SH3TC1: variants seen among roughly 807,000 people sequenced by gnomAD.
The protein encoded by SH3TC1 is SH3 domain and tetratricopeptide repeats 1.
SH3TC1 carries 135 observed loss-of-function variants against 117.3 expected under a neutral mutation model. That is an observed-to-expected ratio of 1.15 (90% CI 1.00 to 1.33). The LOEUF (loss-of-function observed/expected upper bound fraction) is 1.33. Among genes scored for constraint, SH3TC1 ranks in the 40% most tolerant of loss-of-function variants. SH3TC1 has a pLI of 0.00. For synonymous variants in SH3TC1, 898 were observed against 816.9 expected (o/e 1.10, Z -1.69); for missense variants, 2,092 against 1,794.3 (o/e 1.17, Z -3.00).
In SH3TC1 at chr4:8,212,967, G is replaced by A. The variant is rs145155067; in HGVS notation, c.375+139G>A. 3.6e-4 allele frequency: 441 copies of A among 1,211,906 alleles called. 5 individuals are homozygous for A. In the East Asian group the frequency reaches 0.012, roughly 33 times the overall value. The allele number at this position is 1,211,906 out of a possible 1,614,324, so 75.1% of individuals were successfully genotyped here. On this transcript the variant is annotated intron_variant, in intron 4 of 17. Transcript: ENST00000245105. Reference sequence around the variant, plus strand: ...AGCCACTCAGGACAGTGGTGGCCTTGGAGGGGCGGCTGTGATACCCAGTGG... The same window carrying A: ...AGCCACTCAGGACAGTGGTGGCCTTAGAGGGGCGGCTGTGATACCCAGTGG...
intron 3 of SH3TC1, among the ~76,000 whole-genome samples, chr4:8,212,269 C>T (rs28481971): frequency 0.01 from 1,558 of 150,900 alleles, 44 homozygotes; most frequent in African/African-American, 0.037. Flanking sequence ...TCACCATGGG[C>T]GTGGAGGAGG....
At chr4:8,240,360 G>A (rs1407758513) in intron 17 of SH3TC1, among the ~76,000 whole-genome samples, 1 of 152,214 alleles carries the variant, frequency 6.6e-6, no homozygotes, top group African/African-American at 2.4e-5. Flanking sequence ...TGCCCCTGCT[G>A]TGGCTGGGAG....
chr4:8,239,885 G>C (rs1190357633), intron 17 of SH3TC1, among the ~76,000 whole-genome samples: 2 of 152,256 alleles, frequency 1.3e-5, no homozygotes, highest in South Asian at 4.1e-4. Flanking sequence ...GGTGGGGCTG[G>C]GGGGCGTTGG....
intron 13 of SH3TC1, chr4:8,232,767 C>T (rs1438620974): frequency 2.6e-5 from 34 of 1,289,598 alleles, no homozygotes; most frequent in African/African-American, 9.1e-5. Flanking sequence ...GGGAAGGAGC[C>T]GGATTCCACA....
Position 8,209,811 on chromosome 4 carries a change from T to C in SH3TC1, c.236T>C (p.Val79Ala), listed in dbSNP as rs534704913. The change falls in exon 3 of 18, where the codon GTT (valine) becomes GCT (alanine). Residue 79 changes from valine (V) to alanine (A), a missense_variant. Coordinates refer to ENST00000245105, the MANE Select transcript of SH3TC1 (RefSeq NM_018986.5). This position sits in a 1 kb window ranked among gnomAD's most constrained non-coding sequence, Gnocchi z 5.9. ...AAGTPPCQMG[V>A]YPTDLTLQLL... Reference sequence around the variant, plus strand: ...GGGACCCCTCCCTGCCAGATGGGGGTTTATCCCACAGGTAAACATCCTGGG... The same window carrying C: ...GGGACCCCTCCCTGCCAGATGGGGGCTTATCCCACAGGTAAACATCCTGGG... 6.2e-7 allele frequency: 1 copy of C among 1,612,912 alleles called. No individual in the cohort carries two copies. The highest frequency in any genetic ancestry group is 1.3e-5 in the African/African-American group (1 of 74,820).
At chr4:8,208,973 C>T (rs1243184033) in intron 2 of SH3TC1, among the ~76,000 whole-genome samples, 2 of 152,222 alleles carry the variant, frequency 1.3e-5, no homozygotes, top group Non-Finnish European at 2.9e-5. Context: ...GATAGAGAAA[C>T]TGCGCAGGAC....
In SH3TC1 at chr4:8,234,247, CCATT is replaced by C. The variant is rs535023989; in HGVS notation, c.3282+737_3282+740del. On this transcript the variant is annotated intron_variant, in intron 14 of 17. Coordinates refer to ENST00000245105, the MANE Select transcript of SH3TC1 (RefSeq NM_018986.5). The stretch of plus-strand genomic sequence containing the variant: ...ATCATCCATCCATTCACCCATCCAT[CCATT>C]CACCTGTTTGTCCACCCATCCATTT... 1.5e-3 allele frequency among the ~76,000 whole-genome samples: 235 copies of C among 151,852 alleles called. 2 individuals are homozygous for C. The highest frequency in any genetic ancestry group is 6.8e-3 in the Middle Eastern group (2 of 292).
rs1717209703 is a variant in SH3TC1, at chr4:8,186,026, C to T, written c.-57+3816C>T. 6.6e-6 allele frequency among the ~76,000 whole-genome samples: 1 copy of T among 152,220 alleles called. No homozygotes were observed. The highest frequency in any genetic ancestry group is 6.5e-5 in the Admixed American group (1 of 15,280). ...TCCCTGACAGGGGGACATTGAGCAA[C>T]ATTTCCTACATTTTACGGTGATAGG... On this transcript the variant is annotated intron_variant, in intron 1 of 16. Coordinates refer to the SH3TC1 transcript ENST00000508641. This position sits in a 1 kb window ranked among gnomAD's most constrained non-coding sequence, Gnocchi z 5.2.
chr4:8,228,540 T>C lies in SH3TC1; in HGVS notation c.2846T>C (p.Leu949Pro). Residue 949 changes from leucine (L) to proline (P), a missense_variant, in exon 12 of 18, where the codon CTC becomes CCC. Leu to Pro is a moderately conservative substitution (Grantham distance 98). Transcript: ENST00000245105. ...TGTGGCCGGGACTTCACCCACGTGC[T>C]CCTGCAGCTGGGCCATCTCTGCACC... ...GECGRDFTHV[L>P]LQLGHLCTRQ... 5.0e-6 allele frequency: 8 copies of C among 1,610,602 alleles called. No individual in the cohort carries two copies. Among genetic ancestry groups the C allele is most frequent in the Non-Finnish European group, 6.8e-6 (8 of 1,179,220 alleles).
intron 1 of SH3TC1, among the ~76,000 whole-genome samples, chr4:8,191,456 A>T (rs1377439588): frequency 6.6e-6 from 1 of 152,214 alleles, no homozygotes; most frequent in African/African-American, 2.4e-5. Flanking sequence ...CGTTTTGCAA[A>T]GAGCAGTTCC....
At chr4:8,216,040 G>A in intron 5 of SH3TC1, 71 bp from the exon 6 acceptor site, 1 of 1,575,306 alleles carries the variant, frequency 6.3e-7, no homozygotes, top group East Asian at 2.3e-5. Context: ...GCCGACCTGG[G>A]ACCACACAGG....
chr4:8,191,727 T>G (rs1381109002), intron 1 of SH3TC1, among the ~76,000 whole-genome samples: 2 of 152,094 alleles, frequency 1.3e-5, no homozygotes, highest in African/African-American at 4.8e-5. Flanking sequence ...CAGGAGAGAT[T>G]TGTGCAGGTC....
At chr4:8,203,883 C>G (rs1317691866) in intron 1 of SH3TC1, among the ~76,000 whole-genome samples, 3 of 152,196 alleles carry the variant, frequency 2.0e-5, no homozygotes, top group African/African-American at 7.2e-5. Flanking sequence ...CCTCCCAGTC[C>G]CCTGCCACGT....
Position 8,228,052 on chromosome 4 carries a change from C to T in SH3TC1, c.2358C>T (p.Gly786=), listed in dbSNP as rs879870076. Residue 786 remains glycine (G), a synonymous_variant, in exon 12 of 18, where the codon GGC becomes GGT. Coordinates refer to ENST00000245105, the MANE Select transcript of SH3TC1 (RefSeq NM_018986.5). ...CGGGCACAGGCCAGGCGCTGCGCGG[C>T]CCCCTCTACACCAGCTTGGCCCAGC... ...LTPGTGQALR[G]PLYTSLAQLY... The T allele has an allele frequency of 8.7e-6, 14 of 1,604,934 alleles. No homozygotes were observed. The highest frequency in any genetic ancestry group is 1.2e-5 in the Non-Finnish European group (14 of 1,174,980).
intron 2 of SH3TC1, among the ~76,000 whole-genome samples, chr4:8,208,492 C>T (rs1180926813): frequency 6.6e-6 from 1 of 151,938 alleles, no homozygotes; most frequent in South Asian, 2.1e-4. Context: ...CTCAGCCTCC[C>T]GAGTAGCTGG....
chr4:8,229,822 T>C (rs767314919), intron 12 of SH3TC1, among the ~76,000 whole-genome samples: 1 of 152,018 alleles, frequency 6.6e-6, no homozygotes, highest in Non-Finnish European at 1.5e-5. Flanking sequence ...CCTGGCACAA[T>C]AGCCTGTGGC....
chr4:8,234,046 TTCATCCATCCTTTTA>T (rs899081090), intron 14 of SH3TC1, among the ~76,000 whole-genome samples: 3 of 144,664 alleles, frequency 2.1e-5, no homozygotes, highest in Non-Finnish European at 3.0e-5. Flanking sequence ...TCATCCATCA[TTCATCCATCCTTTTA>T]TCATCCATCC....
At chr4:8,231,450 C>A (rs751180186) in intron 12 of SH3TC1, 19 of 156,968 alleles carry the variant, frequency 1.2e-4, no homozygotes, top group Non-Finnish European at 2.4e-4. Flanking sequence ...ACTAGAAAAT[C>A]AGCAGCTTTC....
In SH3TC1 at chr4:8,236,315, G is replaced by A. The variant is rs377357228; in HGVS notation, c.3443G>A (p.Arg1148His). ...CCCCTGGCAGTGACTACGGGCAACCGCAAGGCGGAGCTGCGGCTGTGCAAC... is the reference window on the plus strand; with the variant it reads ...CCCCTGGCAGTGACTACGGGCAACCACAAGGCGGAGCTGCGGCTGTGCAAC... Reference protein sequence around the residue: ...ALPLAVTTGNRKAELRLCNKL... With the variant: ...ALPLAVTTGNHKAELRLCNKL... Residue 1148 changes from arginine (R) to histidine (H), a missense_variant, in exon 16 of 18, where the codon CGC becomes CAC. Transcript: ENST00000245105. 7.2e-5 allele frequency: 112 copies of A among 1,554,988 alleles called. No homozygotes were observed. The highest frequency in any genetic ancestry group is 3.5e-4 in the Admixed American group (18 of 51,932).
Sources: allele counts gnomAD v4.1 joint callset (sites outside exome capture counted in the v4.1 genomes callset), GRCh38; gene constraint gnomAD v4.1.1; non-coding constraint Gnocchi (gnomAD v3.1); transcripts MANE v1.5; gene names NCBI Gene and HGNC (gene_info 2026-07-23, HGNC 2026-07-21).